The following NTM variants were observed in gnomAD, a reference collection of about 807,000 sequenced individuals.
NTM encodes neurotrimin.
NTM carries 13 observed loss-of-function variants against 42.1 expected under a neutral mutation model. The observed-to-expected ratio is 0.31, with a 90% CI of 0.20 to 0.49. The LOEUF is 0.49. NTM is among the 20% of genes least tolerant of loss of function. The pLI is 0.99. For synonymous variants in NTM, 187 were observed against 179.2 expected, an observed-to-expected ratio of 1.04 and a Z score of -0.35; for missense variants, 373 against 452.8, an observed-to-expected ratio of 0.82 and a Z score of 1.60.
At chr11:131,949,524 G>A (rs1168026401) in intron 2 of NTM, among the ~76,000 whole-genome samples, 1 of 152,106 alleles carries the variant, frequency 6.6e-6, no homozygotes, top group Non-Finnish European at 1.5e-5. Flanking sequence ...TTGAGTTTTA[G>A]GCGTTGCACA....
chr11:131,547,826 T>G (rs1047414078), intron 1 of NTM, among the ~76,000 whole-genome samples: 3 of 152,170 alleles, frequency 2.0e-5, no homozygotes, highest in Admixed American at 6.5e-5. Flanking sequence ...CAATCTTATC[T>G]CCCTTTTTGA....
At chr11:131,839,561 T>C (rs2043961743) in intron 1 of NTM, among the ~76,000 whole-genome samples, 1 of 151,944 alleles carries the variant, frequency 6.6e-6, no homozygotes, top group Admixed American at 6.6e-5. Context: ...GGGAGATTAG[T>C]GGGAGTTAAG....
intron 1 of NTM, among the ~76,000 whole-genome samples, chr11:131,821,088 C>G (rs563190586): frequency 2.6e-5 from 4 of 151,414 alleles, no homozygotes; most frequent in Non-Finnish European, 4.4e-5. Context: ...CCATTTCACA[C>G]GCAAGTACAA....
chr11:131,942,507 C>A (rs1270632611), intron 2 of NTM, among the ~76,000 whole-genome samples: 1 of 152,166 alleles, frequency 6.6e-6, no homozygotes, highest in Non-Finnish European at 1.5e-5. Flanking sequence ...GGCACCCTTT[C>A]TCTGGGCCTG....
At chr11:131,898,889 C>T (rs562429713) in intron 1 of NTM, among the ~76,000 whole-genome samples, 1 of 152,202 alleles carries the variant, frequency 6.6e-6, no homozygotes, top group African/African-American at 2.4e-5. Context: ...AGCACAAAGT[C>T]GAGAACTCAG....
chr11:132,203,924 CAA>C (rs34137990), intron 3 of NTM, among the ~76,000 whole-genome samples: 33 of 151,388 alleles, frequency 2.2e-4, no homozygotes, highest in Admixed American at 3.9e-4. Context: ...GCAACAACAA[CAA>C]AAAAAAAACA....
Position 132,275,534 on chromosome 11 carries a change from A to G in NTM, c.527-32155A>G, listed in dbSNP as rs115570810. 6.3e-3 allele frequency among the ~76,000 whole-genome samples: 943 copies of G among 150,440 alleles called. 14 individuals are homozygous for G. Among genetic ancestry groups the G allele is most frequent in the African/African-American group, 0.022 (917 of 41,050 alleles). ...ATGAATTTTTTTTCATTTTTTGCTC[A>G]TTCTGCATACTTCGCTTTTCCACAT... On this transcript the variant is annotated intron_variant, in intron 4 of 8. Coordinates refer to ENST00000683400, the MANE Select transcript of NTM (RefSeq NM_001352005.2).
chr11:131,499,327 T>C (rs1418295410), intron 1 of NTM, among the ~76,000 whole-genome samples: 2 of 152,148 alleles, frequency 1.3e-5, no homozygotes, highest in Non-Finnish European at 2.9e-5. Flanking sequence ...TAATCTTTGA[T>C]ATAAGTGTAA....
chr11:132,124,171 G>A (rs2065286893), intron 2 of NTM, among the ~76,000 whole-genome samples: 1 of 152,082 alleles, frequency 6.6e-6, no homozygotes, highest in South Asian at 2.1e-4. Context: ...ATTGTGCTAT[G>A]CCCCTTCCTT....
At chr11:131,476,616 G>T (rs942861540) in intron 1 of NTM, among the ~76,000 whole-genome samples, 1 of 152,158 alleles carries the variant, frequency 6.6e-6, no homozygotes, top group Admixed American at 6.5e-5. Flanking sequence ...GGCCAGTTTT[G>T]TAAGACAGCT....
chr11:131,512,825 G>A (rs1011460405), intron 1 of NTM, among the ~76,000 whole-genome samples: 2 of 152,162 alleles, frequency 1.3e-5, no homozygotes, highest in Non-Finnish European at 2.9e-5. Context: ...AGACACCTGT[G>A]TGGTTCCTGA....
At chr11:132,134,731 A>ATATATATATATATATATATATC (rs2067491339) in intron 2 of NTM, among the ~76,000 whole-genome samples, 1 of 72,440 alleles carries the variant, frequency 1.4e-5, no homozygotes, top group Non-Finnish European at 2.5e-5. Flanking sequence ...ATATATATAT[A>ATATATATATATATATATATATC]TATATATATA....
chr11:132,177,791 C>T (rs868157171), intron 3 of NTM, among the ~76,000 whole-genome samples: 13 of 152,322 alleles, frequency 8.5e-5, no homozygotes, highest in African/African-American at 2.4e-4. Flanking sequence ...GGATCAGGAT[C>T]TTCATCTGTC....
chr11:132,213,730 C>CT (rs59685389), intron 4 of NTM, among the ~76,000 whole-genome samples: 11,898 of 80,514 alleles, frequency 0.15, 3,091 homozygotes, highest in African/African-American at 0.38. Flanking sequence ...GGCCACCATT[C>CT]TTTTTTTTTT....
chr11:131,698,858 A>G (rs2075769609), intron 1 of NTM, among the ~76,000 whole-genome samples: 1 of 152,222 alleles, frequency 6.6e-6, no homozygotes, highest in Non-Finnish European at 1.5e-5. Context: ...TGTCCTTTCC[A>G]TAAAGCGTAC....
At chr11:131,484,696 G>A (rs1953969681) in intron 1 of NTM, among the ~76,000 whole-genome samples, 1 of 152,150 alleles carries the variant, frequency 6.6e-6, no homozygotes, top group Non-Finnish European at 1.5e-5. Context: ...GTCACTGACT[G>A]CCTCTTCCTC....
chr11:131,905,955 C>A (rs1049012612), intron 1 of NTM, among the ~76,000 whole-genome samples: 1 of 152,118 alleles, frequency 6.6e-6, no homozygotes, highest in African/African-American at 2.4e-5. Flanking sequence ...GCTTTTTTGT[C>A]TCAGCAATGA....
rs528143018 is a variant in NTM at position 131,514,082 on chromosome 11, G to A, written c.82+143194G>A. On this transcript the variant is annotated intron_variant, in intron 1 of 8. Transcript: ENST00000683400. Reference sequence around the variant, plus strand: ...TAATAATGGTAAGTCAGCTGACAGCGTCGCTAATGTCCCAGGGGAGAAAGC... The same window carrying A: ...TAATAATGGTAAGTCAGCTGACAGCATCGCTAATGTCCCAGGGGAGAAAGC... Among the ~76,000 whole-genome samples, 113 of 152,214 alleles carry A rather than the reference G, an allele frequency of 7.4e-4. 1 individual carries two copies. The highest frequency in any genetic ancestry group is 2.4e-3 in the African/African-American group (100 of 41,514).
intron 1 of NTM, among the ~76,000 whole-genome samples, chr11:131,549,173 T>C (rs2054321035): frequency 6.6e-6 from 1 of 152,188 alleles, no homozygotes; most frequent in Admixed American, 6.5e-5. Context: ...TATCTTTTTC[T>C]GGAATATCCT....
Sources: gnomAD v4.1 joint callset for allele counts (sites outside exome capture counted in the v4.1 genomes callset) on GRCh38, gnomAD v4.1.1 for gene constraint, MANE v1.5 for transcripts, NCBI Gene and HGNC (gene_info 2026-07-23, HGNC 2026-07-21) for gene names.